TMEM184B: variants seen among roughly 807,000 people sequenced by gnomAD.
The protein encoded by TMEM184B is transmembrane protein 184B, also known as putative MAPK-activating protein FM08.
Under a neutral mutation model 41.8 loss-of-function variants are expected in TMEM184B, and 17 were observed. The observed-to-expected ratio is 0.41, with a 90% CI of 0.28 to 0.61. The LOEUF is 0.61. TMEM184B is among the 20% of genes least tolerant of loss of function. TMEM184B has a pLI of 0.34. For missense variants in TMEM184B, 393 were observed against 557.8 expected, an observed-to-expected ratio of 0.70 and a Z score of 2.98; for synonymous variants, 240 against 229.5, an observed-to-expected ratio of 1.05 and a Z score of -0.41.
chr22:38,227,432 G>A (rs1331137314), intron 5 of TMEM184B, among the ~76,000 whole-genome samples: 1 of 152,114 alleles, frequency 6.6e-6, no homozygotes, highest in Non-Finnish European at 1.5e-5. Flanking sequence ...TGGTGCCCGG[G>A]GCAAGGCTAG....
At chr22:38,228,131 T>A (rs2091498736) in intron 5 of TMEM184B, among the ~76,000 whole-genome samples, 1 of 152,076 alleles carries the variant, frequency 6.6e-6, no homozygotes, top group South Asian at 2.1e-4. Context: ...GGGGCTGCCA[T>A]ACGGAGAGGC....
chr22:38,234,275 A>G (rs1179442294), intron 3 of TMEM184B, among the ~76,000 whole-genome samples: 1 of 152,094 alleles, frequency 6.6e-6, no homozygotes, highest in Non-Finnish European at 1.5e-5. Flanking sequence ...CTCAGTCACC[A>G]TGCAGCGGGG....
chr22:38,237,641 G>A (rs553316556), intron 3 of TMEM184B, among the ~76,000 whole-genome samples: 1 of 152,362 alleles, frequency 6.6e-6, no homozygotes, highest in South Asian at 2.1e-4. Flanking sequence ...TCAGAAAATA[G>A]GGGCCTCAGA....
intron 2 of TMEM184B, chr22:38,246,922 A>G (rs1308117570): frequency 7.9e-7 from 1 of 1,272,262 alleles, no homozygotes; most frequent in Non-Finnish European, 1.0e-6. Flanking sequence ...TCCATCTGCT[A>G]TGAGCCAAAA....
At chr22:38,227,402 G>T (rs953359518) in intron 5 of TMEM184B, among the ~76,000 whole-genome samples, 1 of 152,142 alleles carries the variant, frequency 6.6e-6, no homozygotes, top group Non-Finnish European at 1.5e-5. Context: ...GAGATGGGCA[G>T]GGCCAGGTCC....
intron 5 of TMEM184B, among the ~76,000 whole-genome samples, chr22:38,228,460 C>G (rs2091514490): frequency 6.6e-6 from 1 of 152,204 alleles, no homozygotes; most frequent in South Asian, 2.1e-4. Context: ...AGAATCATCA[C>G]CTGACCATAC....
At chr22:38,245,303 C>A (rs1457045658) in intron 3 of TMEM184B, among the ~76,000 whole-genome samples, 2 of 150,746 alleles carry the variant, frequency 1.3e-5, no homozygotes, top group Non-Finnish European at 3.0e-5. Context: ...AGGGGGAGGG[C>A]CCTTGCTTCC....
At chr22:38,263,242 A>G (rs1165427697) in intron 1 of TMEM184B, among the ~76,000 whole-genome samples, 1 of 152,204 alleles carries the variant, frequency 6.6e-6, no homozygotes, top group Non-Finnish European at 1.5e-5. Flanking sequence ...CACCTGCTTC[A>G]GCAATCAAAA....
chr22:38,243,927 C>T (rs567603982), intron 3 of TMEM184B, among the ~76,000 whole-genome samples: 11 of 152,120 alleles, frequency 7.2e-5, no homozygotes, highest in African/African-American at 2.4e-4. Flanking sequence ...GTGGTGGGGC[C>T]GAGGACCTGG....
At chr22:38,254,021 T>C (rs1462837254) in intron 1 of TMEM184B, among the ~76,000 whole-genome samples, 2 of 151,698 alleles carry the variant, frequency 1.3e-5, no homozygotes, top group Admixed American at 1.3e-4. Flanking sequence ...GCCAACATGG[T>C]GAAACCCTGT....
intron 3 of TMEM184B, among the ~76,000 whole-genome samples, chr22:38,238,141 T>C (rs1014574486): frequency 6.6e-6 from 1 of 151,818 alleles, no homozygotes; most frequent in Non-Finnish European, 1.5e-5. Flanking sequence ...TGCTTATTCC[T>C]GCTTCTTTCT....
intron 2 of TMEM184B, among the ~76,000 whole-genome samples, chr22:38,247,172 C>T (rs1391419944): frequency 3.9e-5 from 6 of 152,170 alleles, no homozygotes; most frequent in Admixed American, 1.3e-4. Flanking sequence ...AGGCTAGTTC[C>T]TCTCCCCCTC....
chr22:38,250,808 T>C (rs1333926281), intron 1 of TMEM184B, among the ~76,000 whole-genome samples: 1 of 152,096 alleles, frequency 6.6e-6, no homozygotes, highest in African/African-American at 2.4e-5. Context: ...AGGGCTGGGA[T>C]GTGGGTGAAG....
At position 38,219,323 on chromosome 22, in the gene TMEM184B, A is replaced by G. The variant is rs1046221654; in HGVS notation, c.*2146T>C. The stretch of plus-strand genomic sequence containing the variant: ...CAATACAATCTATATTATCTCATAT[A>G]TAGATTTCTTCCTCACTTTATTTGC... On this transcript the variant is annotated 3_prime_UTR_variant, in exon 9 of 9. Coordinates refer to ENST00000361906, the MANE Select transcript of TMEM184B (RefSeq NM_012264.5). The G allele has an allele frequency of 4.1e-6, 4 of 985,808 alleles. No homozygotes were observed. In the East Asian group the frequency reaches 4.5e-4, roughly 112 times the overall value. 61.1% of individuals were successfully genotyped at this position (985,808 alleles called of 1,614,324 possible). A position where few individuals can be genotyped will look rare whatever the true frequency, so the allele number is the denominator to read the frequency against.
chr22:38,263,545 CA>C (rs1484233961), intron 1 of TMEM184B, among the ~76,000 whole-genome samples: 1 of 152,178 alleles, frequency 6.6e-6, no homozygotes, highest in Non-Finnish European at 1.5e-5. Flanking sequence ...ATGGTTTGTT[CA>C]TTGGCCCCTG....
Position 38,221,468 on chromosome 22 carries a change from C to A in TMEM184B, c.*1G>T. ...AGCACTTCCGCCACTGCAGCCCGCA[C>A]CTAGAATTCATCATCAGAGCTGAGC... On this transcript the variant is annotated 3_prime_UTR_variant, in exon 9 of 9. Transcript: ENST00000361906. 6.2e-7 allele frequency: 1 copy of A among 1,602,288 alleles called. No homozygotes were observed. The highest frequency in any genetic ancestry group is 2.2e-5 in the East Asian group (1 of 44,726).
At chr22:38,254,685 C>T (rs929793857) in intron 1 of TMEM184B, among the ~76,000 whole-genome samples, 12 of 152,176 alleles carry the variant, frequency 7.9e-5, no homozygotes, top group African/African-American at 2.9e-4. Flanking sequence ...AAAACACCTT[C>T]ACATCCCATA....
intron 1 of TMEM184B, among the ~76,000 whole-genome samples, chr22:38,266,862 T>A (rs898458354): frequency 6.6e-6 from 1 of 152,082 alleles, no homozygotes; most frequent in African/African-American, 2.4e-5. Flanking sequence ...GGCGGGTGGA[T>A]CAAGAGGTCA....
In TMEM184B at chr22:38,226,770, G is replaced by A. The variant is rs931722912; in HGVS notation, c.617+9C>T. On this transcript the variant is annotated intron_variant, in intron 6 of 8. Coordinates refer to ENST00000361906, the MANE Select transcript of TMEM184B (RefSeq NM_012264.5). This position sits in a 1 kb window ranked among gnomAD's most constrained non-coding sequence, Gnocchi z 4.6. ...CTCCCACACACCCCGGGGAGCACCC[G>A]CTGCTTACTCAAAGTCCCCATCCCG... 2.1e-5 allele frequency: 33 copies of A among 1,590,090 alleles called. No homozygotes were observed. Among genetic ancestry groups the A allele is most frequent in the Admixed American group, 3.6e-5 (2 of 56,196 alleles).
Sources: gnomAD v4.1 joint callset for allele counts (sites outside exome capture counted in the v4.1 genomes callset) on GRCh38, gnomAD v4.1.1 for gene constraint, Gnocchi (gnomAD v3.1) non-coding constraint, MANE v1.5 for transcripts, NCBI Gene and HGNC (gene_info 2026-07-23, HGNC 2026-07-21) for gene names.